FRMD5: variants seen among roughly 807,000 people sequenced by gnomAD.
The protein encoded by FRMD5 is FERM domain containing 5.
In FRMD5, 20 loss-of-function variants were observed where a neutral mutation model predicts 69.0. That is an observed-to-expected ratio of 0.29 (90% confidence interval 0.20 to 0.42). The LOEUF is 0.42. Among genes scored for constraint, FRMD5 ranks in the 10% least tolerant of loss-of-function variants. The pLI is 1.00. For missense variants in FRMD5, 595 were observed against 708.6 expected (o/e 0.84, Z 1.82); for synonymous variants, 271 against 260.1 (o/e 1.04, Z -0.40).
chr15:44,045,571 CA>C (rs1892390199), intron 1 of FRMD5, among the ~76,000 whole-genome samples: 1 of 152,074 alleles, frequency 6.6e-6, no homozygotes. Context: ...ATAAATTCAA[CA>C]TGGAAGATCA....
intron 13 of FRMD5, among the ~76,000 whole-genome samples, chr15:43,877,736 G>T (rs1449438557): frequency 6.6e-6 from 1 of 152,184 alleles, no homozygotes; most frequent in African/African-American, 2.4e-5. Flanking sequence ...TTTGTATAAT[G>T]CTTTCATCTT....
intron 1 of FRMD5, among the ~76,000 whole-genome samples, chr15:44,140,797 C>T (rs1473738281): frequency 1.4e-5 from 2 of 145,420 alleles, no homozygotes; most frequent in Non-Finnish European, 3.0e-5. Flanking sequence ...GTAGGAGGGT[C>T]GCTTGGGCCC....
At chr15:44,007,429 G>C (rs1257133191) in intron 1 of FRMD5, among the ~76,000 whole-genome samples, 1 of 151,970 alleles carries the variant, frequency 6.6e-6, no homozygotes, top group Non-Finnish European at 1.5e-5. Flanking sequence ...TGAGGGCCTA[G>C]AATTTCATTT....
intron 4 of FRMD5, 22 bp downstream of exon 4, chr15:43,919,437 G>A: frequency 9.3e-6 from 15 of 1,607,096 alleles, no homozygotes; most frequent in Non-Finnish European, 1.3e-5. Flanking sequence ...CCTAATGGCT[G>A]CGGGAAGCAT....
intron 1 of FRMD5, among the ~76,000 whole-genome samples, chr15:44,012,051 C>T (rs1207945400): frequency 6.6e-6 from 1 of 152,098 alleles, no homozygotes. Flanking sequence ...CTGAACTCAC[C>T]ATCTGTTCAC....
intron 5 of FRMD5, among the ~76,000 whole-genome samples, chr15:43,906,762 C>A (rs113494487): frequency 7.7e-6 from 1 of 129,316 alleles, no homozygotes; most frequent in African/African-American, 4.1e-5. Flanking sequence ...CCACCTCGCC[C>A]GGCTGATTTT....
At chr15:44,102,973 T>C (rs1199657665) in intron 1 of FRMD5, among the ~76,000 whole-genome samples, 1 of 152,204 alleles carries the variant, frequency 6.6e-6, no homozygotes, top group Non-Finnish European at 1.5e-5. Context: ...ACAAAAGCCT[T>C]GCCTACACTC....
intron 1 of FRMD5, chr15:44,101,566 G>A (rs1274156879): frequency 6.6e-6 from 1 of 152,582 alleles, no homozygotes; most frequent in Non-Finnish European, 1.5e-5. Context: ...ATGAAAGCTG[G>A]TAAGCCTGCT....
intron 7 of FRMD5, among the ~76,000 whole-genome samples, chr15:43,899,753 C>A (rs188020011): frequency 5.0e-4 from 76 of 152,318 alleles, no homozygotes; most frequent in African/African-American, 1.8e-3. Flanking sequence ...TTCCTCCCTG[C>A]AGCCTCTTCA....
chr15:44,169,122 A>C (rs2077758366), intron 1 of FRMD5, among the ~76,000 whole-genome samples: 1 of 152,128 alleles, frequency 6.6e-6, no homozygotes, highest in African/African-American at 2.4e-5. Context: ...TAAAATACTT[A>C]CTTTTGGCTT....
intron 1 of FRMD5, among the ~76,000 whole-genome samples, chr15:43,950,940 G>A (rs2090016876): frequency 6.6e-6 from 1 of 152,164 alleles, no homozygotes; most frequent in South Asian, 2.1e-4. Context: ...ATCAATGGAG[G>A]ATGATTAATC....
Position 43,902,202 on chromosome 15 carries a change from T to A in FRMD5, c.612A>T (p.Thr204=), listed in dbSNP as rs759590580. ...NFLRKAQTLE[T]YGVDPHPCKD... Reference sequence around the variant, plus strand: ...TACATGGGTGAGGATCCACTCCATATGTTTCCAATGTCTGTGCTTTTCTTA... The same window carrying A: ...TACATGGGTGAGGATCCACTCCATAAGTTTCCAATGTCTGTGCTTTTCTTA... The change falls in exon 7 of 14, where the codon ACA becomes ACT. Residue 204 remains threonine (T), a synonymous_variant. Coordinates refer to ENST00000417257, the MANE Select transcript of FRMD5 (RefSeq NM_032892.5). The A allele has an allele frequency of 2.5e-6, 4 of 1,614,126 alleles. No homozygotes were observed. The South Asian group carries it at 4.4e-5, about 18-fold the overall frequency.
chr15:43,911,691 T>C (rs1251585191), intron 4 of FRMD5, among the ~76,000 whole-genome samples: 1 of 152,074 alleles, frequency 6.6e-6, no homozygotes, highest in Non-Finnish European at 1.5e-5. Context: ...CCTAGGGGAG[T>C]AATGAAAATG....
intron 1 of FRMD5, among the ~76,000 whole-genome samples, chr15:44,096,928 C>T (rs1566944185): frequency 6.6e-6 from 1 of 152,068 alleles, no homozygotes; most frequent in Non-Finnish European, 1.5e-5. Context: ...GTGACCCTTG[C>T]CATATCTCAC....
At chr15:44,183,250 A>AT in intron 1 of FRMD5, among the ~76,000 whole-genome samples, 1 of 152,144 alleles carries the variant, frequency 6.6e-6, no homozygotes, top group Admixed American at 6.5e-5. Flanking sequence ...AATGCTGGAA[A>AT]GGGGGGTAGC....
At chr15:44,194,826 C>G (rs1432257734) in intron 1 of FRMD5, 127 bp downstream of exon 1, 1 of 855,990 alleles carries the variant, frequency 1.2e-6, no homozygotes, top group African/African-American at 1.7e-5. Flanking sequence ...TCCGCCGCAA[C>G]CAGGAACGGA....
At chr15:44,126,944 T>G (rs1489174757) in intron 1 of FRMD5, among the ~76,000 whole-genome samples, 1 of 152,206 alleles carries the variant, frequency 6.6e-6, no homozygotes, top group East Asian at 1.9e-4. Context: ...CACTGCTACA[T>G]TCATGAACTA....
intron 1 of FRMD5, among the ~76,000 whole-genome samples, chr15:44,016,227 C>T (rs1456526903): frequency 1.3e-5 from 2 of 152,122 alleles, no homozygotes; most frequent in African/African-American, 4.8e-5. Context: ...AAAAACCTAC[C>T]AAAACTACCC....
At chr15:44,180,639 G>C (rs1427281165) in intron 1 of FRMD5, among the ~76,000 whole-genome samples, 1 of 152,018 alleles carries the variant, frequency 6.6e-6, no homozygotes, top group Admixed American at 6.5e-5. Flanking sequence ...ACAAAAATTA[G>C]CCAGGCGTGG....
Sources: allele counts gnomAD v4.1 joint callset (sites outside exome capture counted in the v4.1 genomes callset), GRCh38; gene constraint gnomAD v4.1.1; transcripts MANE v1.5; gene names NCBI Gene and HGNC (gene_info 2026-07-23, HGNC 2026-07-21).